DYNC2H1: variants seen among roughly 807,000 people sequenced by gnomAD.
DYNC2H1 encodes the protein dynein cytoplasmic 2 heavy chain 1, also known as cytoplasmic dynein 2 heavy chain 1.
Under a neutral mutation model 570.0 loss-of-function variants are expected in DYNC2H1, and 410 were observed. That is an observed-to-expected ratio of 0.72 (90% CI 0.66 to 0.78). The LOEUF (loss-of-function observed/expected upper bound fraction) is 0.78, where lower values mean the gene tolerates loss of function less well. Ranked by LOEUF, DYNC2H1 falls within the 30% of genes least tolerant of loss-of-function variation. The pLI, the probability that DYNC2H1 is intolerant of heterozygous loss-of-function variation, is 0.00. For missense variants in DYNC2H1, 4,865 were observed against 5,046.4 expected, an observed-to-expected ratio of 0.96 and a Z score of 1.09; for synonymous variants, 1,688 against 1,677.6, an observed-to-expected ratio of 1.01 and a Z score of -0.15.
At chr11:103,274,065 T>C in intron 70 of DYNC2H1, among the ~76,000 whole-genome samples, 1 of 152,138 alleles carries the variant, frequency 6.6e-6, no homozygotes, top group Non-Finnish European at 1.5e-5. Context: ...TTGTTCTTCC[T>C]CAGTACAAGT....
chr11:103,148,741 G>C, intron 20 of DYNC2H1, 124 bp downstream of exon 20: 1 of 1,236,314 alleles, frequency 8.1e-7, no homozygotes, highest in Non-Finnish European at 1.1e-6. Context: ...GTCCACAATA[G>C]TCTGGCTTAC....
rs1295731054 is a variant in DYNC2H1, at chr11:103,209,707, G to T, written c.8455-169G>T. Among the ~76,000 whole-genome samples the T allele has an allele frequency of 1.3e-5, 2 of 151,820 alleles. No individual in the cohort carries two copies. The highest frequency in any genetic ancestry group is 4.8e-5 in the African/African-American group (2 of 41,388). ...AATGGTTGATGTGTGTCAAAATGTT[G>T]TCTTGGAAATCATTTCTTCTAAAGA... is the stretch of plus-strand genomic sequence containing the variant. On this transcript the variant is annotated intron_variant, in intron 52 of 88. Coordinates refer to ENST00000375735, the MANE Select transcript of DYNC2H1 (RefSeq NM_001377.3). The surrounding 1 kb of genome is among the most constrained non-coding windows in gnomAD (Gnocchi z 4.2).
intron 85 of DYNC2H1, among the ~76,000 whole-genome samples, chr11:103,449,288 G>T (rs1487576006): frequency 6.6e-6 from 1 of 152,204 alleles, no homozygotes; most frequent in African/African-American, 2.4e-5. Flanking sequence ...TGCAGGCGTT[G>T]TCTGCTATCA....
chr11:103,340,006 T>G (rs906750630), intron 82 of DYNC2H1, among the ~76,000 whole-genome samples: 3 of 152,148 alleles, frequency 2.0e-5, no homozygotes, highest in Admixed American at 1.3e-4. Context: ...AACACATAGA[T>G]TCTCAGTGCT....
intron 70 of DYNC2H1, among the ~76,000 whole-genome samples, chr11:103,265,389 G>A (rs1865468084): frequency 6.6e-6 from 1 of 152,026 alleles, no homozygotes; most frequent in South Asian, 2.1e-4. Flanking sequence ...TTAAAAAACA[G>A]AAAAGAAAGA....
chr11:103,432,106 GCTT>G (rs1263294407), intron 84 of DYNC2H1, among the ~76,000 whole-genome samples: 4 of 152,124 alleles, frequency 2.6e-5, no homozygotes, highest in South Asian at 2.1e-4. Context: ...GTGTTTTGAA[GCTT>G]CTTCTTGATC....
intron 75 of DYNC2H1, among the ~76,000 whole-genome samples, chr11:103,290,458 G>T (rs1866548176): frequency 6.6e-6 from 1 of 152,132 alleles, no homozygotes; most frequent in Non-Finnish European, 1.5e-5. Flanking sequence ...GTTTGGCAGA[G>T]TAATTATCCA....
intron 84 of DYNC2H1, among the ~76,000 whole-genome samples, chr11:103,400,373 G>A (rs900449931): frequency 2.6e-5 from 4 of 152,186 alleles, no homozygotes; most frequent in Non-Finnish European, 4.4e-5. Context: ...TGGAGCTGGG[G>A]ATGGATTTAT....
In DYNC2H1 at chr11:103,152,288, T is replaced by G. The variant is rs758494417; in HGVS notation, c.3096+3T>G. ...ACCAACTTATGATTAAAGACCAGGTTAGAATCTTTTAATTATTTATTAAAA... is the reference window on the plus strand; with the variant it reads ...ACCAACTTATGATTAAAGACCAGGTGAGAATCTTTTAATTATTTATTAAAA... On this transcript the variant is annotated splice_donor_region_variant and intron_variant, in intron 21 of 88. Transcript: ENST00000375735. 11 of 1,575,672 alleles carry G rather than the reference T, an allele frequency of 7.0e-6. No individual in the cohort carries two copies. In the Admixed American group the frequency reaches 1.4e-4, roughly 20 times the overall value.
chr11:103,198,171 C>A lies in DYNC2H1; in HGVS notation c.7839+108C>A. On this transcript the variant is annotated intron_variant, in intron 48 of 88. Coordinates refer to ENST00000375735, the MANE Select transcript of DYNC2H1 (RefSeq NM_001377.3). Reference sequence around the variant, plus strand: ...TGAATATGATAGATTGTAGAATAGGCAAAGCTGGTTCTTATCTTTTGGAAT... The same window carrying A: ...TGAATATGATAGATTGTAGAATAGGAAAAGCTGGTTCTTATCTTTTGGAAT... The A allele has an allele frequency of 4.8e-6, 6 of 1,257,974 alleles. No individual in the cohort carries two copies. In the South Asian group the frequency reaches 6.9e-5, roughly 14 times the overall value. The allele number at this position is 1,257,974 out of a possible 1,614,324, so 77.9% of individuals were successfully genotyped here.
intron 83 of DYNC2H1, among the ~76,000 whole-genome samples, chr11:103,389,642 A>G (rs1271226486): frequency 4.0e-5 from 6 of 151,888 alleles, no homozygotes; most frequent in Non-Finnish European, 1.5e-5. Context: ...TTAGTGCTAT[A>G]AATTTCCCTC....
At chr11:103,226,667 G>A (rs746863929) in intron 59 of DYNC2H1, among the ~76,000 whole-genome samples, 4 of 152,064 alleles carry the variant, frequency 2.6e-5, no homozygotes, top group Non-Finnish European at 5.9e-5. Context: ...TTGGTCTATA[G>A]TTTTCTTATT....
At chr11:103,188,852 A>G (rs1591380780) in intron 44 of DYNC2H1, among the ~76,000 whole-genome samples, 1 of 152,126 alleles carries the variant, frequency 6.6e-6, no homozygotes, top group Non-Finnish European at 1.5e-5. Flanking sequence ...CTTATTTATG[A>G]TATGTTTAAC....
At chr11:103,296,349 G>C (rs1866825484) in intron 75 of DYNC2H1, among the ~76,000 whole-genome samples, 1 of 152,182 alleles carries the variant, frequency 6.6e-6, no homozygotes, top group South Asian at 2.1e-4. Flanking sequence ...TGGTGTCCAT[G>C]TTTGGAAATG....
rs1861063137 is a variant in DYNC2H1 at position 103,160,873 on chromosome 11, G to A, written c.4379-59G>A. On this transcript the variant is annotated intron_variant, in intron 28 of 88. Transcript: ENST00000375735. ...ATATTAACACTATGTGACACATATTGTATCTAATAATTATGTCTTTAATCC... is the reference window on the plus strand; with the variant it reads ...ATATTAACACTATGTGACACATATTATATCTAATAATTATGTCTTTAATCC... 1.6e-5 allele frequency: 15 copies of A among 917,816 alleles called. No homozygotes were observed. In the South Asian group the frequency reaches 1.9e-4, roughly 11 times the overall value. The allele number at this position is 917,816 out of a possible 1,614,324, so 56.9% of individuals were successfully genotyped here. A position where few individuals can be genotyped will look rare whatever the true frequency, so the allele number is the denominator to read the frequency against.
chr11:103,419,489 G>C (rs924711441), intron 84 of DYNC2H1, among the ~76,000 whole-genome samples: 2 of 150,974 alleles, frequency 1.3e-5, no homozygotes. Context: ...CCAGATACAG[G>C]AAAAATCAAG....
At chr11:103,274,740 T>C (rs1021809581) in intron 70 of DYNC2H1, among the ~76,000 whole-genome samples, 1 of 152,178 alleles carries the variant, frequency 6.6e-6, no homozygotes, top group Non-Finnish European at 1.5e-5. Flanking sequence ...TTGGGGGTTT[T>C]TCAGCCACAC....
At chr11:103,273,702 G>A (rs535771548) in intron 70 of DYNC2H1, among the ~76,000 whole-genome samples, 2 of 152,158 alleles carry the variant, frequency 1.3e-5, no homozygotes, top group African/African-American at 4.8e-5. Flanking sequence ...GGCCAAAAGA[G>A]CTTTCTTTGC....
chr11:103,282,318 C>T (rs1220721512), intron 72 of DYNC2H1, 89 bp downstream of exon 72: 2 of 1,139,900 alleles, frequency 1.8e-6, no homozygotes, highest in East Asian at 5.0e-5. Context: ...CAGAGGTGTT[C>T]TAAATTATTG....
Sources: gnomAD v4.1 joint callset for allele counts (sites outside exome capture counted in the v4.1 genomes callset) on GRCh38, gnomAD v4.1.1 for gene constraint, Gnocchi (gnomAD v3.1) non-coding constraint, MANE v1.5 for transcripts, NCBI Gene and HGNC (gene_info 2026-07-23, HGNC 2026-07-21) for gene names.